The following PLCG2 variants were observed in gnomAD, a reference collection of about 807,000 sequenced individuals.
The protein encoded by PLCG2 is 1-phosphatidylinositol 4,5-bisphosphate phosphodiesterase gamma-2.
A neutral mutation model predicts 175.6 loss-of-function variants in PLCG2; 69 were observed. That is an observed-to-expected ratio of 0.39 (90% CI 0.32 to 0.48). The LOEUF (loss-of-function observed/expected upper bound fraction) is 0.48. PLCG2 is among the 20% of genes least tolerant of loss of function. The pLI is 0.91. For synonymous variants in PLCG2, 827 were observed against 624.0 expected (o/e 1.33, Z -4.85); for missense variants, 1,798 against 1,650.9 (o/e 1.09, Z -1.54).
intron 16 of PLCG2, 133 bp downstream of exon 16, chr16:81,907,907 A>G: frequency 1.6e-6 from 1 of 632,246 alleles, no homozygotes; most frequent in South Asian, 1.8e-5. Flanking sequence ...GAAGCTGTTG[A>G]TACTCTGGGT....
At chr16:81,853,578 C>T (rs1289083292) in intron 2 of PLCG2, among the ~76,000 whole-genome samples, 1 of 152,182 alleles carries the variant, frequency 6.6e-6, no homozygotes, top group Non-Finnish European at 1.5e-5. Context: ...GCGTAGTTCA[C>T]CGTAGGGTTT....
intron 25 of PLCG2, among the ~76,000 whole-genome samples, chr16:81,932,448 GGAAA>G (rs1910540324): frequency 6.6e-6 from 1 of 152,186 alleles, no homozygotes; most frequent in African/African-American, 2.4e-5. Flanking sequence ...CTGCCGAACT[GGAAA>G]GAAATTGTAG....
chr16:81,794,980 A>G (rs1246562036), intron 2 of PLCG2, among the ~76,000 whole-genome samples: 1 of 152,132 alleles, frequency 6.6e-6, no homozygotes, highest in South Asian at 2.1e-4. Context: ...TAGCTGAGGA[A>G]TTGCTTGTCT....
chr16:81,885,235 C>T (rs1908301087), intron 9 of PLCG2, among the ~76,000 whole-genome samples: 1 of 152,094 alleles, frequency 6.6e-6, no homozygotes, highest in South Asian at 2.1e-4. Flanking sequence ...TGTTGGTCAG[C>T]CTGGTCTTGA....
Position 81,923,553 on chromosome 16 carries a change from T to C in PLCG2, c.2376T>C (p.Arg792=). 1 of 1,613,706 alleles carries C rather than the reference T, an allele frequency of 6.2e-7. No homozygotes were observed. Among genetic ancestry groups the C allele is most frequent in the Non-Finnish European group, 8.5e-7 (1 of 1,179,740 alleles). Reference sequence around the variant, plus strand: ...GAAGCGATGAGCTGAGCTTCTGCCGTGGTGCCCTCATCCACAATGTCTCCA... The same window carrying C: ...GAAGCGATGAGCTGAGCTTCTGCCGCGGTGCCCTCATCCACAATGTCTCCA... The part of the protein sequence containing the change: ...AKRSDELSFC[R]GALIHNVSKE... The change falls in exon 22 of 33, where the codon CGT becomes CGC. Residue 792 remains arginine, a synonymous_variant. Coordinates refer to ENST00000564138, the MANE Select transcript of PLCG2 (RefSeq NM_002661.5).
intron 2 of PLCG2, among the ~76,000 whole-genome samples, chr16:81,842,252 G>A (rs192147075): frequency 2.6e-4 from 39 of 152,346 alleles, no homozygotes; most frequent in African/African-American, 9.1e-4. Flanking sequence ...CAGCCAGGAT[G>A]CATGTGCTCA....
In PLCG2 at chr16:81,919,635, A is replaced by T; in HGVS notation, c.2206A>T (p.Thr736Ser). The change falls in exon 20 of 33, where the codon ACC (threonine) becomes TCC (serine). Residue 736 changes from threonine (T) to serine (S), a missense_variant. Thr to Ser is a moderately conservative substitution (Grantham distance 58). Coordinates refer to ENST00000564138, the MANE Select transcript of PLCG2 (RefSeq NM_002661.5). ...YRKMRLRYPV[T>S]PELLERYNME... ...AAAGATGAGACTGCGCTACCCCGTG[A>T]CCCCCGAGCTCCTGGAGCGCTACAA... 6.2e-7 allele frequency: 1 copy of T among 1,613,858 alleles called. No homozygotes were observed.
At chr16:81,829,778 T>C (rs1243989109) in intron 2 of PLCG2, among the ~76,000 whole-genome samples, 2 of 152,230 alleles carry the variant, frequency 1.3e-5, no homozygotes, top group Non-Finnish European at 2.9e-5. Context: ...CACTCTCTCC[T>C]GCTGGGCATT....
intron 2 of PLCG2, among the ~76,000 whole-genome samples, chr16:81,821,757 A>T (rs752910331): frequency 6.6e-6 from 1 of 152,204 alleles, no homozygotes; most frequent in Admixed American, 6.5e-5. Flanking sequence ...TTGCCAAGCA[A>T]CTGGGGGCAG....
At position 81,905,414 on chromosome 16, in the gene PLCG2, G is replaced by T; in HGVS notation, c.1374G>T (p.Leu458=). ...TGTTTTCCCCTCAGCATAAGAAGCT[G>T]GGCCCCCGAGGCGATGTGGATGTCA... ...REKIIIKHKK[L]GPRGDVDVNM... Residue 458 remains leucine, a synonymous_variant, in exon 15 of 33, where the codon CTG becomes CTT. Coordinates refer to ENST00000564138, the MANE Select transcript of PLCG2 (RefSeq NM_002661.5). 1.9e-6 allele frequency: 3 copies of T among 1,613,552 alleles called. No individual in the cohort carries two copies. The highest frequency in any genetic ancestry group is 1.1e-5 in the South Asian group (1 of 91,050).
At chr16:81,925,975 G>C (rs11643258) in intron 22 of PLCG2, among the ~76,000 whole-genome samples, 10 of 152,050 alleles carry the variant, frequency 6.6e-5, no homozygotes, top group African/African-American at 2.4e-4. Flanking sequence ...GTGGCTGCTT[G>C]GATGACTGTG....
intron 5 of PLCG2, among the ~76,000 whole-genome samples, chr16:81,864,204 C>T (rs1408976382): frequency 3.3e-5 from 5 of 152,110 alleles, no homozygotes; most frequent in Admixed American, 1.3e-4. Context: ...GGGCAGGGCT[C>T]AAGAATTTGC....
intron 2 of PLCG2, among the ~76,000 whole-genome samples, chr16:81,802,091 G>GTTTTTTTT (rs1249304271): frequency 3.7e-5 from 2 of 53,514 alleles, no homozygotes; most frequent in East Asian, 7.8e-4. Flanking sequence ...GGTGAGTACA[G>GTTTTTTTT]TCTTTTTTTT....
intron 24 of PLCG2, 134 bp from the exon 25 acceptor site, chr16:81,931,363 G>T (rs1381671583): frequency 2.8e-6 from 2 of 719,938 alleles, no homozygotes; most frequent in East Asian, 5.1e-5. Context: ...GAAAGTAGAC[G>T]TCCCCATCAG....
chr16:81,815,837 G>A (rs1396456098), intron 2 of PLCG2, among the ~76,000 whole-genome samples: 1 of 152,100 alleles, frequency 6.6e-6, no homozygotes, highest in African/African-American at 2.4e-5. Flanking sequence ...AAGGTGGGCG[G>A]ATCACTTGAG....
Position 81,908,401 on chromosome 16 carries a change from C to T in PLCG2, c.1558-15C>T. On this transcript the variant is annotated splice_polypyrimidine_tract_variant and intron_variant, in intron 16 of 32. Coordinates refer to ENST00000564138, the MANE Select transcript of PLCG2 (RefSeq NM_002661.5). ...TCCAAGGCTTTCAGAAACCCCTCCT[C>T]TCTTTGCGGCCCAGGATATACCCCC... 6.2e-7 allele frequency: 1 copy of T among 1,610,986 alleles called. No homozygotes were observed. The highest frequency in any genetic ancestry group is 8.5e-7 in the Non-Finnish European group (1 of 1,178,114).
At chr16:81,756,146 A>T (rs1685076533) in intron 2 of PLCG2, among the ~76,000 whole-genome samples, 1 of 152,206 alleles carries the variant, frequency 6.6e-6, no homozygotes, top group Non-Finnish European at 1.5e-5. Context: ...TAGAATTGTC[A>T]TTATTCCGCA....
At chr16:81,777,642 A>G (rs1474016479), upstream of PLCG2, among the ~76,000 whole-genome samples, 3 of 123,042 alleles carry the variant, frequency 2.4e-5, no homozygotes, top group Non-Finnish European at 5.1e-5. Context: ...AAATGAATCC[A>G]CAGATCTTGT....
At chr16:81,926,514 C>G (rs994480159) in intron 22 of PLCG2, among the ~76,000 whole-genome samples, 3 of 152,190 alleles carry the variant, frequency 2.0e-5, no homozygotes, top group African/African-American at 7.2e-5. Context: ...AATGTTTTAG[C>G]TGAATAATAA....
Sources: gnomAD v4.1 joint callset for allele counts (sites outside exome capture counted in the v4.1 genomes callset) on GRCh38, gnomAD v4.1.1 for gene constraint, MANE v1.5 for transcripts, NCBI Gene and HGNC (gene_info 2026-07-23, HGNC 2026-07-21) for gene names.